CACNA1S: variants seen among roughly 807,000 people sequenced by gnomAD.
CACNA1S encodes calcium voltage-gated channel subunit alpha1 S.
Under a neutral mutation model 207.4 loss-of-function variants are expected in CACNA1S, and 126 were observed. That is an observed-to-expected ratio of 0.61 (90% CI 0.53 to 0.70). The LOEUF (loss-of-function observed/expected upper bound fraction) is 0.70. Ranked by LOEUF, CACNA1S falls within the 30% of genes least tolerant of loss-of-function variation. The pLI, the probability that CACNA1S is intolerant of heterozygous loss-of-function variation, is 0.00. For synonymous variants in CACNA1S, 960 were observed against 932.7 expected (o/e 1.03, Z -0.53); for missense variants, 2,349 against 2,422.8 (o/e 0.97, Z 0.64).
chr1:201,095,991 A>G (rs748849260), intron 2 of CACNA1S, among the ~76,000 whole-genome samples: 1 of 152,218 alleles, frequency 6.6e-6, no homozygotes, highest in Non-Finnish European at 1.5e-5. Context: ...TTACAATTTC[A>G]GGTTGCTGCA....
At chr1:201,048,491 A>G (rs1301782381) in intron 36 of CACNA1S, 91 bp downstream of exon 36, 2 of 1,102,408 alleles carry the variant, frequency 1.8e-6, no homozygotes, top group Non-Finnish European at 2.8e-6. Context: ...AGTTCTTAAG[A>G]GCAATCTTGA....
At chr1:201,073,192 G>A (rs906914470) in intron 15 of CACNA1S, among the ~76,000 whole-genome samples, 1 of 152,212 alleles carries the variant, frequency 6.6e-6, no homozygotes, top group African/African-American at 2.4e-5. Context: ...GGAATGGTGA[G>A]CAGAGTCAGA....
intron 34 of CACNA1S, among the ~76,000 whole-genome samples, chr1:201,049,710 G>A (rs1660590688): frequency 6.6e-6 from 1 of 152,206 alleles, no homozygotes; most frequent in African/African-American, 2.4e-5. Context: ...GTCTCCAGAG[G>A]GCTGAATGAG....
chr1:201,052,529 A>AG lies in CACNA1S; in HGVS notation c.3953+27dup, dbSNP rs746036522. 5 of 1,282,206 alleles carry AG rather than the reference A, an allele frequency of 3.9e-6. No individual in the cohort carries two copies. The East Asian group carries it at 2.0e-4, about 51-fold the overall frequency. The allele number at this position is 1,282,206 out of a possible 1,614,324, so 79.4% of individuals were successfully genotyped here. A position where few individuals can be genotyped will look rare whatever the true frequency, so the allele number is the denominator to read the frequency against. ...CAAAGGCTGGACTGGTCAGCGGGGT[A>AG]GGGGTGGGGGTGGCGGGAGACGCGT... On this transcript the variant is annotated intron_variant, in intron 32 of 43. Transcript: ENST00000362061.
chr1:201,109,121 G>A (rs909729064), intron 2 of CACNA1S, among the ~76,000 whole-genome samples: 5 of 151,990 alleles, frequency 3.3e-5, no homozygotes, highest in Non-Finnish European at 5.9e-5. Flanking sequence ...GGTGGCAGGC[G>A]CCTGTAATCC....
rs763335016 is a variant in CACNA1S, at chr1:201,047,544, C to A, written c.4524G>T (p.Gln1508His). The A allele has an allele frequency of 1.2e-6, 2 of 1,614,024 alleles. No homozygotes were observed. Among genetic ancestry groups the A allele is most frequent in the Non-Finnish European group, 1.7e-6 (2 of 1,179,884 alleles). ...WKRTSMKLLD[Q>H]VIPPIGDDEV... ...ACCTACCTCCTATTGGAGGGATGAC[C>A]TGGTCCAAGAGCTTCATGCTGGTTC... Residue 1508 changes from glutamine (Q) to histidine (H), a missense_variant, in exon 37 of 44, where the codon CAG becomes CAT. By Grantham distance (24) the Gln-to-His change is conservative. Transcript: ENST00000362061.
intron 2 of CACNA1S, among the ~76,000 whole-genome samples, chr1:201,104,755 G>A (rs1287569583): frequency 6.6e-6 from 1 of 152,192 alleles, no homozygotes. Context: ...AGTTTATCAT[G>A]TCTGCCCAAC....
chr1:201,106,473 T>C (rs558946925), intron 2 of CACNA1S, among the ~76,000 whole-genome samples: 3 of 152,110 alleles, frequency 2.0e-5, no homozygotes, highest in Non-Finnish European at 4.4e-5. Context: ...CCTTCTACAA[T>C]GCGCTCCTTC....
chr1:201,061,209 G>T, intron 25 of CACNA1S, 58 bp downstream of exon 25: 1 of 1,487,882 alleles, frequency 6.7e-7, no homozygotes, highest in Non-Finnish European at 9.4e-7. Context: ...CTAGGGCTTG[G>T]GCCAGCAGGA....
At chr1:201,108,595 C>T (rs1007207496) in intron 2 of CACNA1S, among the ~76,000 whole-genome samples, 1 of 152,152 alleles carries the variant, frequency 6.6e-6, no homozygotes, top group Admixed American at 6.5e-5. Context: ...CCTTCCTTGC[C>T]GGCAAAGGTG....
Position 201,112,161 on chromosome 1 carries a change from C to A in CACNA1S, c.152+27G>T, listed in dbSNP as rs201234743. ...TCCCTCCCTCATGACGCACACCCCC[C>A]CCCACGGCCCGGGCCCTGAAGGATA... is the stretch of plus-strand genomic sequence containing the variant. On this transcript the variant is annotated intron_variant, in intron 1 of 43. Coordinates refer to ENST00000362061, the MANE Select transcript of CACNA1S (RefSeq NM_000069.3). 861 of 1,607,350 alleles carry A rather than the reference C, an allele frequency of 5.4e-4. 16 individuals are homozygous for A. The South Asian group carries it at 8.4e-3, about 16-fold the overall frequency.
chr1:201,068,231 C>CT lies in CACNA1S; in HGVS notation c.2550+905dup, dbSNP rs60151209. Among the ~76,000 whole-genome samples, 319 of 47,032 alleles carry CT rather than the reference C, an allele frequency of 6.8e-3. 52 individuals are homozygous for CT. Among genetic ancestry groups the CT allele is most frequent in the Non-Finnish European group, 7.9e-3 (219 of 27,630 alleles). The allele number at this position is 47,032 out of a possible 152,430, so 30.9% of individuals were successfully genotyped here. On this transcript the variant is annotated intron_variant, in intron 19 of 43. Transcript: ENST00000362061. Reference sequence around the variant, plus strand: ...AATCACACAGCTCCCCGGCTCTGCTCTTTTTTTTTTTTTTTTTTTTTTTTT... The same window carrying CT: ...AATCACACAGCTCCCCGGCTCTGCTCTTTTTTTTTTTTTTTTTTTTTTTTTT...
chr1:201,092,711 G>T (rs1459910875), intron 3 of CACNA1S, among the ~76,000 whole-genome samples: 2 of 152,216 alleles, frequency 1.3e-5, no homozygotes, highest in African/African-American at 4.8e-5. Flanking sequence ...ACTGCTTTCT[G>T]CACTCTATTA....
chr1:201,083,598 C>T (rs2102152288), intron 9 of CACNA1S, among the ~76,000 whole-genome samples: 1 of 152,230 alleles, frequency 6.6e-6, no homozygotes, highest in South Asian at 2.1e-4. Flanking sequence ...GCAGACGCTC[C>T]GTGTGGTTTA....
intron 22 of CACNA1S, among the ~76,000 whole-genome samples, chr1:201,063,996 A>G (rs1243188362): frequency 6.6e-6 from 1 of 152,204 alleles, no homozygotes; most frequent in East Asian, 1.9e-4. Context: ...TGCTTCTAGA[A>G]CCTCCTGGAA....
intron 11 of CACNA1S, 57 bp downstream of exon 11, chr1:201,077,822 G>T: frequency 8.1e-7 from 1 of 1,240,434 alleles, no homozygotes; most frequent in Non-Finnish European, 1.2e-6. Flanking sequence ...GTGTAGACCA[G>T]ACCAGCCCGT....
chr1:201,064,719 AG>A (rs1358758892), intron 22 of CACNA1S, among the ~76,000 whole-genome samples: 1 of 152,238 alleles, frequency 6.6e-6, no homozygotes, highest in African/African-American at 2.4e-5. Flanking sequence ...AAATGATCTG[AG>A]AGCCAGAGAC....
At chr1:201,100,503 C>A (rs563039626) in intron 2 of CACNA1S, among the ~76,000 whole-genome samples, 1 of 152,352 alleles carries the variant, frequency 6.6e-6, no homozygotes, top group East Asian at 1.9e-4. Flanking sequence ...ATAGACGTAA[C>A]TGGAATGGGT....
intron 11 of CACNA1S, 145 bp from the exon 12 acceptor site, chr1:201,077,272 T>C: frequency 7.2e-6 from 5 of 698,572 alleles, no homozygotes; most frequent in Non-Finnish European, 1.3e-5. Flanking sequence ...CCTGGATTCA[T>C]GGCTGCATGC....
Sources: allele counts gnomAD v4.1 joint callset (sites outside exome capture counted in the v4.1 genomes callset), GRCh38; gene constraint gnomAD v4.1.1; transcripts MANE v1.5; gene names NCBI Gene and HGNC (gene_info 2026-07-23, HGNC 2026-07-21).